The following ATRNL1 variants were observed in gnomAD, a reference collection of about 807,000 sequenced individuals.
ATRNL1 encodes the protein attractin-like protein 1.
In ATRNL1, 95 loss-of-function variants were observed where a neutral mutation model predicts 182.7. The observed-to-expected ratio is 0.52, with a 90% CI of 0.44 to 0.62. The LOEUF (loss-of-function observed/expected upper bound fraction) is 0.62, where lower values mean the gene tolerates loss of function less well. Ranked by LOEUF, ATRNL1 falls within the 20% of genes least tolerant of loss-of-function variation. ATRNL1 has a pLI of 0.00. For synonymous variants in ATRNL1, 576 were observed against 568.3 expected, an observed-to-expected ratio of 1.01 and a Z score of -0.19; for missense variants, 1,471 against 1,679.5, an observed-to-expected ratio of 0.88 and a Z score of 2.17.
At chr10:115,597,929 C>T (rs2133934888) in intron 26 of ATRNL1, 1 of 171,594 alleles carries the variant, frequency 5.8e-6, no homozygotes, top group African/African-American at 2.4e-5. Flanking sequence ...AACTTCTAAA[C>T]TCGTGATATA....
rs34988501 is a variant in ATRNL1 at position 115,203,577 on chromosome 10, C to CTTT, written c.1349-12102_1349-12100dup. 5.3e-4 allele frequency among the ~76,000 whole-genome samples: 65 copies of CTTT among 122,392 alleles called. 1 individual carries two copies. In the South Asian group the frequency reaches 0.015, roughly 29 times the overall value. The allele number at this position is 122,392 out of a possible 152,430, so 80.3% of individuals were successfully genotyped here. A position where few individuals can be genotyped will look rare whatever the true frequency, so the allele number is the denominator to read the frequency against. On this transcript the variant is annotated intron_variant, in intron 8 of 28. Transcript: ENST00000355044. Reference sequence around the variant, plus strand: ...AAAGTTTAAAACTAGATTGGGCCACCTTTTTTTTTTTTTTTTTTTTGAGAT... The same window carrying CTTT: ...AAAGTTTAAAACTAGATTGGGCCACCTTTTTTTTTTTTTTTTTTTTTTTGAGAT...
At chr10:115,124,022 G>C (rs1592132208) in intron 3 of ATRNL1, among the ~76,000 whole-genome samples, 1 of 151,702 alleles carries the variant, frequency 6.6e-6, no homozygotes, top group African/African-American at 2.4e-5. Flanking sequence ...ATAATTATTT[G>C]ATTACATATT....
At chr10:115,749,135 A>G (rs913430330) in intron 27 of ATRNL1, among the ~76,000 whole-genome samples, 1 of 151,994 alleles carries the variant, frequency 6.6e-6, no homozygotes, top group Non-Finnish European at 1.5e-5. Context: ...AAACTAGAAT[A>G]GAATACTATA....
At chr10:115,620,110 TAGCATCTGCTTCTG>T (rs1555022196) in intron 26 of ATRNL1, among the ~76,000 whole-genome samples, 1 of 152,226 alleles carries the variant, frequency 6.6e-6, no homozygotes, top group Non-Finnish European at 1.5e-5. Flanking sequence ...CGTGTGACAC[TAGCATCTGCTTCTG>T]GTAAAGCCTC....
chr10:115,716,143 T>G (rs1555056213), intron 26 of ATRNL1, among the ~76,000 whole-genome samples: 1 of 152,202 alleles, frequency 6.6e-6, no homozygotes, highest in Non-Finnish European at 1.5e-5. Context: ...AGATTGCCTA[T>G]TCATTTATCA....
intron 24 of ATRNL1, among the ~76,000 whole-genome samples, chr10:115,489,595 C>T (rs1467094971): frequency 6.6e-6 from 1 of 152,132 alleles, no homozygotes; most frequent in Admixed American, 6.5e-5. Context: ...ATTTTTCCAT[C>T]CCTTTATTTT....
intron 19 of ATRNL1, among the ~76,000 whole-genome samples, chr10:115,369,256 T>A (rs1331976112): frequency 1.4e-5 from 2 of 144,556 alleles, no homozygotes; most frequent in African/African-American, 5.2e-5. Context: ...AGGATAGGGG[T>A]TGTGTGAGGG....
At chr10:115,263,871 AC>A (rs1851494754) in intron 10 of ATRNL1, among the ~76,000 whole-genome samples, 1 of 151,742 alleles carries the variant, frequency 6.6e-6, no homozygotes, top group African/African-American at 2.4e-5. Context: ...TTTGGATAAA[AC>A]ATTGGGAAAA....
At chr10:115,108,286 A>G (rs1844109052) in intron 1 of ATRNL1, among the ~76,000 whole-genome samples, 1 of 152,166 alleles carries the variant, frequency 6.6e-6, no homozygotes, top group East Asian at 1.9e-4. Context: ...AAGTGGCTAC[A>G]TTGTCTGGGG....
At chr10:115,274,370 CT>C (rs1338440058) in intron 13 of ATRNL1, among the ~76,000 whole-genome samples, 8 of 152,296 alleles carry the variant, frequency 5.3e-5, no homozygotes, top group African/African-American at 1.4e-4. Context: ...ATTAGACATT[CT>C]CCCTCTTTTT....
Position 115,753,623 on chromosome 10 carries a change from C to T in ATRNL1, c.3903+26268C>T, listed in dbSNP as rs1223179733. Among the ~76,000 whole-genome samples the T allele has an allele frequency of 4.6e-5, 7 of 152,252 alleles. 1 individual carries two copies. Among genetic ancestry groups the T allele is most frequent in the African/African-American group, 1.4e-4 (6 of 41,546 alleles). On this transcript the variant is annotated intron_variant, in intron 27 of 28. Coordinates refer to ENST00000355044, the MANE Select transcript of ATRNL1 (RefSeq NM_207303.4). The stretch of plus-strand genomic sequence containing the variant: ...CAGGTCTTTGCTATTGTGAACAGTG[C>T]CGCAATAAACATAAGTGTGCATGTG...
At position 115,437,964 on chromosome 10, in the gene ATRNL1, C is replaced by A. The variant is rs1037434564; in HGVS notation, c.3322+11662C>A. ...AGCTTAGTTAACTTGTATAAAATAA[C>A]CTAGTTGTTATATGGGAGATTACAA... On this transcript the variant is annotated intron_variant, in intron 21 of 28. Coordinates refer to ENST00000355044, the MANE Select transcript of ATRNL1 (RefSeq NM_207303.4). 2.6e-5 allele frequency among the ~76,000 whole-genome samples: 4 copies of A among 151,942 alleles called. No homozygotes were observed. The East Asian group carries it at 7.7e-4, about 29-fold the overall frequency.
chr10:115,250,525 T>C (rs1248904769), intron 10 of ATRNL1, among the ~76,000 whole-genome samples: 1 of 152,218 alleles, frequency 6.6e-6, no homozygotes, highest in Non-Finnish European at 1.5e-5. Context: ...AGCTATTTCC[T>C]ACCCTGGCTG....
intron 19 of ATRNL1, among the ~76,000 whole-genome samples, chr10:115,387,979 GA>G (rs1432997523): frequency 1.3e-5 from 2 of 152,112 alleles, no homozygotes; most frequent in Non-Finnish European, 2.9e-5. Flanking sequence ...TTTATTGTGT[GA>G]TTAAGTGTTG....
At chr10:115,808,697 C>T (rs1168074607) in intron 27 of ATRNL1, among the ~76,000 whole-genome samples, 2 of 152,124 alleles carry the variant, frequency 1.3e-5, no homozygotes, top group African/African-American at 4.8e-5. Context: ...TTGAACTAGT[C>T]AGCATTTTTA....
rs115789509 is a variant in ATRNL1, at chr10:115,228,697, C to T, written c.1532+12817C>T. Among the ~76,000 whole-genome samples the T allele has an allele frequency of 7.8e-3, 1,188 of 151,388 alleles. 18 individuals are homozygous for T. The highest frequency in any genetic ancestry group is 0.027 in the African/African-American group (1,106 of 41,294). On this transcript the variant is annotated intron_variant, in intron 9 of 28. Transcript: ENST00000355044. ...ATTTATAACTTTCAGCTGTAATTAT[C>T]AACTTTTTATTTTTATTTTTATTTT...
chr10:115,207,647 G>T (rs75847343), intron 8 of ATRNL1, among the ~76,000 whole-genome samples: 5,448 of 151,678 alleles, frequency 0.036, 140 homozygotes, highest in Non-Finnish European at 0.058. Context: ...TTTTAATATA[G>T]AATTATGGGT....
At chr10:115,320,150 T>C (rs1854510341) in intron 18 of ATRNL1, among the ~76,000 whole-genome samples, 1 of 152,134 alleles carries the variant, frequency 6.6e-6, no homozygotes, top group Admixed American at 6.6e-5. Flanking sequence ...CTTTTCTTAT[T>C]AAGCTTAGTT....
At chr10:115,750,829 A>C (rs1168634484) in intron 27 of ATRNL1, among the ~76,000 whole-genome samples, 1 of 152,048 alleles carries the variant, frequency 6.6e-6, no homozygotes, top group Non-Finnish European at 1.5e-5. Context: ...GCATAACATA[A>C]ATGCAAAGGG....
Sources: allele counts gnomAD v4.1 joint callset (sites outside exome capture counted in the v4.1 genomes callset), GRCh38; gene constraint gnomAD v4.1.1; transcripts MANE v1.5; gene names NCBI Gene and HGNC (gene_info 2026-07-23, HGNC 2026-07-21).